The following CARF variants were observed in gnomAD, a reference collection of about 807,000 sequenced individuals.
The protein encoded by CARF is calcium-responsive transcription factor.
In CARF, 57 loss-of-function variants were observed where a neutral mutation model predicts 82.0. That is an observed-to-expected ratio of 0.70 (90% CI 0.56 to 0.87). The LOEUF (loss-of-function observed/expected upper bound fraction) is 0.87. Ranked by LOEUF, CARF falls within the 40% of genes least tolerant of loss-of-function variation. The pLI, the probability that CARF is intolerant of heterozygous loss-of-function variation, is 0.00. For missense variants in CARF, 771 were observed against 855.8 expected, an observed-to-expected ratio of 0.90 and a Z score of 1.24; for synonymous variants, 268 against 290.1, an observed-to-expected ratio of 0.92 and a Z score of 0.77.
At chr2:202,964,932 G>A (rs2059488096) in intron 9 of CARF, among the ~76,000 whole-genome samples, 1 of 149,116 alleles carries the variant, frequency 6.7e-6, no homozygotes, top group Non-Finnish European at 1.5e-5. Flanking sequence ...TGAGAATCCT[G>A]TGATCACACT....
intron 5 of CARF, among the ~76,000 whole-genome samples, chr2:202,949,516 T>TTTTTTTTTA (rs1337589852): frequency 2.2e-5 from 2 of 91,656 alleles, no homozygotes; most frequent in Non-Finnish European, 4.6e-5. Flanking sequence ...TTGTTATTTA[T>TTTTTTTTTA]TTATTATTAT....
At chr2:202,960,430 C>T (rs577376800) in intron 8 of CARF, among the ~76,000 whole-genome samples, 2 of 152,056 alleles carry the variant, frequency 1.3e-5, no homozygotes, top group South Asian at 2.1e-4. Flanking sequence ...TTGTATTTTT[C>T]GTACTGATGG....
At chr2:202,956,929 C>G (rs1242779046) in intron 8 of CARF, among the ~76,000 whole-genome samples, 1 of 152,140 alleles carries the variant, frequency 6.6e-6, no homozygotes, top group African/African-American at 2.4e-5. Context: ...GCTGAGACTA[C>G]TTGCGCGTGC....
intron 9 of CARF, among the ~76,000 whole-genome samples, chr2:202,966,090 G>A (rs2059537933): frequency 6.6e-6 from 1 of 152,174 alleles, no homozygotes; most frequent in African/African-American, 2.4e-5. Flanking sequence ...CCTCCAGAGA[G>A]AGCAATTCAA....
chr2:202,966,426 T>A (rs1366832683), intron 9 of CARF, among the ~76,000 whole-genome samples: 1 of 152,208 alleles, frequency 6.6e-6, no homozygotes, highest in East Asian at 1.9e-4. Flanking sequence ...AAACCATATG[T>A]CAGGTGGGAT....
rs1169957776 is a variant in CARF at position 202,921,995 on chromosome 2, A to AT, written c.-162-2289dup. Reference sequence around the variant, plus strand: ...AGGCACTCACCACCATGCCTGGCTGATTTTTTTTTTTTTCAATAGAGACAG... The same window carrying AT: ...AGGCACTCACCACCATGCCTGGCTGATTTTTTTTTTTTTTCAATAGAGACAG... On this transcript the variant is annotated intron_variant, in intron 2 of 16. Coordinates refer to ENST00000438828, the MANE Select transcript of CARF (RefSeq NM_024744.17). Among the ~76,000 whole-genome samples the AT allele has an allele frequency of 4.8e-3, 682 of 141,182 alleles. 2 individuals carry two copies. The highest frequency in any genetic ancestry group is 0.01 in the South Asian group (46 of 4,444). The allele number at this position is 141,182 out of a possible 152,430, so 92.6% of individuals were successfully genotyped here. A position where few individuals can be genotyped will look rare whatever the true frequency, so the allele number is the denominator to read the frequency against.
intron 3 of CARF, among the ~76,000 whole-genome samples, chr2:202,940,087 G>A (rs2058155530): frequency 6.6e-6 from 1 of 152,140 alleles, no homozygotes; most frequent in South Asian, 2.1e-4. Flanking sequence ...AGGCTGGAGT[G>A]CAGTGGCGCC....
intron 12 of CARF, among the ~76,000 whole-genome samples, chr2:202,972,058 T>G (rs1308893703): frequency 1.3e-5 from 2 of 152,060 alleles, no homozygotes; most frequent in African/African-American, 4.8e-5. Context: ...AAGAAAACCT[T>G]TGTAGCACCA....
intron 13 of CARF, among the ~76,000 whole-genome samples, chr2:202,974,782 C>T (rs1472487324): frequency 6.6e-6 from 1 of 151,904 alleles, no homozygotes; most frequent in Non-Finnish European, 1.5e-5. Context: ...GCCTGTAATC[C>T]CAGCTACTTG....
In CARF at chr2:202,954,599, G is replaced by A. The variant is rs1457062892; in HGVS notation, c.557+465G>A. ...GTGGTGGTGGGCACCTATAATCCCA[G>A]CTACTTGGGAGGCTGAGGCAGAGAA... On this transcript the variant is annotated intron_variant, in intron 7 of 16. Transcript: ENST00000438828. Among the ~76,000 whole-genome samples the A allele has an allele frequency of 2.6e-5, 4 of 151,742 alleles. No homozygotes were observed. The South Asian group carries it at 6.2e-4, about 24-fold the overall frequency.
At chr2:202,966,949 T>G (rs1574734710) in intron 9 of CARF, 29 bp from the exon 10 acceptor site, 1 of 1,607,028 alleles carries the variant, frequency 6.2e-7, no homozygotes, top group African/African-American at 1.3e-5. Context: ...ACACTTGAAT[T>G]AATATCAATA....
intron 5 of CARF, among the ~76,000 whole-genome samples, chr2:202,951,864 G>A (rs867912235): frequency 3.1e-4 from 46 of 147,292 alleles, no homozygotes; most frequent in African/African-American, 1.1e-3. Flanking sequence ...ACAGAGTCTC[G>A]CTCTGTCGCC....
intron 9 of CARF, among the ~76,000 whole-genome samples, chr2:202,963,895 T>A (rs1042943284): frequency 2.2e-4 from 33 of 152,316 alleles, no homozygotes; most frequent in Non-Finnish European, 8.8e-5. Context: ...TAAATACAGA[T>A]GAAGCTTTGC....
chr2:202,930,046 G>C (rs570219782), intron 3 of CARF, among the ~76,000 whole-genome samples: 1 of 151,802 alleles, frequency 6.6e-6, no homozygotes, highest in African/African-American at 2.4e-5. Context: ...TGTGTGGGGG[G>C]TTTTGTTTTG....
In CARF at chr2:202,955,692, T is replaced by G. The variant is rs752461443; in HGVS notation, c.576T>G (p.Leu192=). ...KSVTGMLEEP[L]LGPLQPLSSN... is the part of the protein sequence containing the mutation. ...ATCCCAGAATGCTGGAAGAACCCCT[T>G]CTGGGGCCTCTTCAGCCACTTTCTT... is the stretch of plus-strand genomic sequence containing the variant. Residue 192 remains leucine (L), a synonymous_variant, in exon 8 of 17, where the codon CTT becomes CTG. Coordinates refer to ENST00000438828, the MANE Select transcript of CARF (RefSeq NM_024744.17). The G allele has an allele frequency of 1.2e-6, 2 of 1,608,750 alleles. No homozygotes were observed. Among genetic ancestry groups the G allele is most frequent in the South Asian group, 2.2e-5 (2 of 90,190 alleles).
intron 1 of CARF, among the ~76,000 whole-genome samples, chr2:202,913,348 A>C (rs964721964): frequency 2.6e-5 from 4 of 152,226 alleles, no homozygotes; most frequent in African/African-American, 7.2e-5. Flanking sequence ...CCTGGGTTCA[A>C]ATCCTGCCTC....
intron 10 of CARF, among the ~76,000 whole-genome samples, chr2:202,968,226 C>A (rs1326618903): frequency 6.6e-6 from 1 of 151,990 alleles, no homozygotes; most frequent in Non-Finnish European, 1.5e-5. Flanking sequence ...ACTGGTGAAA[C>A]CCCATCTCTA....
Position 202,954,134 on chromosome 2 carries a change from G to A in CARF, c.557G>A (p.Gly186Glu), listed in dbSNP as rs1346110356. 2 of 1,611,150 alleles carry A rather than the reference G, an allele frequency of 1.2e-6. No individual in the cohort carries two copies. Among genetic ancestry groups the A allele is most frequent in the Non-Finnish European group, 8.5e-7 (1 of 1,178,840 alleles). Residue 186 changes from glycine (G) to glutamate (E), a missense_variant and splice_region_variant, in exon 7 of 17, where the codon GGA becomes GAA. Transcript: ENST00000438828. ...CCATTGCCCAAAAAGTCAGTGACCG[G>A]GTGAGTCCACGGGAAAGAGAAGCTC... ...SFPLPKKSVT[G>E]MLEEPLLGPL...
intron 12 of CARF, among the ~76,000 whole-genome samples, chr2:202,972,360 A>G (rs949106946): frequency 6.6e-6 from 1 of 152,056 alleles, no homozygotes. Flanking sequence ...CTGGAGTCTC[A>G]GAGTGGTTAA....
Sources: allele counts gnomAD v4.1 joint callset (sites outside exome capture counted in the v4.1 genomes callset), GRCh38; gene constraint gnomAD v4.1.1; transcripts MANE v1.5; gene names NCBI Gene and HGNC (gene_info 2026-07-23, HGNC 2026-07-21).